The following ZNF69 variants were observed in gnomAD, a reference collection of about 807,000 sequenced individuals.
ZNF69 encodes the protein zinc finger protein 69.
In ZNF69, 47 loss-of-function variants were observed where a neutral mutation model predicts 50.9. That is an observed-to-expected ratio of 0.92 (90% confidence interval 0.73 to 1.18). The LOEUF (loss-of-function observed/expected upper bound fraction) is 1.18. Ranked by LOEUF, ZNF69 falls within the 50% of genes most tolerant of loss-of-function variation. The pLI is 0.00. For synonymous variants in ZNF69, 216 were observed against 223.1 expected, an observed-to-expected ratio of 0.97 and a Z score of 0.29; for missense variants, 717 against 675.1, an observed-to-expected ratio of 1.06 and a Z score of -0.69.
the ZNF69 span, chr19:11,956,654 G>A: frequency 5.3e-5 from 21 of 397,582 alleles, no homozygotes; most frequent in South Asian, 2.4e-3. Context: ...TAAGGAGTTT[G>A]ATACCAACCT....
intron 1 of ZNF69, among the ~76,000 whole-genome samples, chr19:11,899,335 A>G (rs10405639): frequency 0.018 from 2,752 of 152,108 alleles, 79 homozygotes; most frequent in African/African-American, 0.063. Context: ...TTGTTTTGTG[A>G]GAGACAGGGT....
the ZNF69 span, chr19:11,924,989 T>C: frequency 1.0e-4 from 49 of 484,116 alleles, 1 homozygote; most frequent in Middle Eastern, 1.9e-3. Context: ...CGGGGCCTGA[T>C]ACCCAGGGCT....
the ZNF69 span, among the ~76,000 whole-genome samples, chr19:11,946,447 G>A: frequency 6.6e-6 from 1 of 152,148 alleles, no homozygotes; most frequent in African/African-American, 2.4e-5. Context: ...CCCTTGGCGG[G>A]TGGGGAGAGA....
the ZNF69 span, among the ~76,000 whole-genome samples, chr19:11,966,218 C>A: frequency 1.3e-5 from 2 of 152,070 alleles, no homozygotes; most frequent in Non-Finnish European, 2.9e-5. Context: ...CATGAATGTG[C>A]GTCAGTTGCT....
the ZNF69 span, chr19:11,947,489 C>G: frequency 6.2e-7 from 1 of 1,610,446 alleles, no homozygotes; most frequent in Non-Finnish European, 8.5e-7. Context: ...TGCTTCAGGA[C>G]TATTTTTCTG....
At chr19:11,947,474 T>G in the ZNF69 span, 1 of 1,606,962 alleles carries the variant, frequency 6.2e-7, no homozygotes, top group Non-Finnish European at 8.5e-7. Context: ...TTCACAATTT[T>G]ATACTGCTTC....
the ZNF69 span, chr19:11,956,577 C>G: frequency 2.5e-6 from 1 of 398,618 alleles, no homozygotes; most frequent in Admixed American, 4.4e-5. Context: ...AAGCTCACAC[C>G]AGGCGCAGTG....
chr19:11,930,323 A>G, the ZNF69 span, among the ~76,000 whole-genome samples: 3 of 148,476 alleles, frequency 2.0e-5, no homozygotes, highest in East Asian at 5.8e-4. Context: ...AGGAAAGGCC[A>G]CCCCAACAAG....
the ZNF69 span, among the ~76,000 whole-genome samples, chr19:11,967,562 C>T: frequency 6.6e-6 from 1 of 152,052 alleles, no homozygotes; most frequent in South Asian, 2.1e-4. Flanking sequence ...CGCCACCACG[C>T]TCGGCTAATT....
At chr19:11,969,462 G>A in the ZNF69 span, among the ~76,000 whole-genome samples, 1 of 152,078 alleles carries the variant, frequency 6.6e-6, no homozygotes, top group African/African-American at 2.4e-5. Context: ...TGTAATCAGC[G>A]GTTAATTGGT....
At chr19:11,956,865 A>G in the ZNF69 span, among the ~76,000 whole-genome samples, 1 of 152,118 alleles carries the variant, frequency 6.6e-6, no homozygotes, top group South Asian at 2.1e-4. Flanking sequence ...AAATAAATAA[A>G]GCTCACCTGG....
intron 1 of ZNF69, among the ~76,000 whole-genome samples, chr19:11,901,541 G>A (rs540425963): frequency 6.6e-6 from 1 of 152,276 alleles, no homozygotes; most frequent in African/African-American, 2.4e-5. Flanking sequence ...CTGGAGTGCA[G>A]TGGCGTGATC....
At chr19:11,892,414 A>G (rs1977117265) in intron 1 of ZNF69, among the ~76,000 whole-genome samples, 1 of 152,072 alleles carries the variant, frequency 6.6e-6, no homozygotes, top group African/African-American at 2.4e-5. Flanking sequence ...ATAGCCATGA[A>G]GTCTTTGTGT....
chr19:11,906,809 A>G (rs926861473), downstream of ZNF69, among the ~76,000 whole-genome samples: 1 of 152,258 alleles, frequency 6.6e-6, no homozygotes, highest in Admixed American at 6.5e-5. Context: ...GCAATGGAAC[A>G]AAGCTGGACT....
chr19:11,977,264 T>G, the ZNF69 span: 2 of 1,603,206 alleles, frequency 1.2e-6, no homozygotes, highest in Non-Finnish European at 1.7e-6. Flanking sequence ...GGAAATACTT[T>G]GATGAATAAA....
the ZNF69 span, chr19:11,965,167 A>G: frequency 6.2e-7 from 1 of 1,613,598 alleles, no homozygotes; most frequent in Non-Finnish European, 8.5e-7. Flanking sequence ...CTGTAGTCAC[A>G]GGAGCTGTAG....
At chr19:11,926,078 T>TAGGA in the ZNF69 span, among the ~76,000 whole-genome samples, 4 of 150,026 alleles carry the variant, frequency 2.7e-5, no homozygotes, top group East Asian at 5.8e-4. Context: ...TTGGAGGAGG[T>TAGGA]AGGAAGGAAG....
At chr19:11,972,263 C>T in the ZNF69 span, among the ~76,000 whole-genome samples, 1 of 149,326 alleles carries the variant, frequency 6.7e-6, no homozygotes, top group Admixed American at 6.7e-5. Context: ...CCAGCCTGGG[C>T]AACAGAATGA....
the ZNF69 span, among the ~76,000 whole-genome samples, chr19:11,975,449 C>G: frequency 0.017 from 2,584 of 149,622 alleles, 31 homozygotes; most frequent in East Asian, 0.043. Context: ...CCAGGCTGGA[C>G]TGCAGTGGCG....
Sources: gnomAD v4.1 joint callset for allele counts (sites outside exome capture counted in the v4.1 genomes callset) on GRCh38, gnomAD v4.1.1 for gene constraint, MANE v1.5 for transcripts, NCBI Gene and HGNC (gene_info 2026-07-23, HGNC 2026-07-21) for gene names.